Variants in EPM2A observed in about 807,000 individuals in gnomAD.
The protein encoded by EPM2A is laforin.
A neutral mutation model predicts 26.5 loss-of-function variants in EPM2A; 21 were observed. The ratio of observed to expected loss-of-function variants is 0.79; its 90% CI spans 0.56 to 1.14. The LOEUF is 1.14. EPM2A is among the 50% of genes most tolerant of loss of function. The pLI, the probability that EPM2A is intolerant of heterozygous loss-of-function variation, is 0.00. For synonymous variants in EPM2A, 217 were observed against 177.6 expected (o/e 1.22, Z -1.76); for missense variants, 458 against 440.8 (o/e 1.04, Z -0.35).
chr6:145,430,621 A>G (rs1356632107), intron 4 of EPM2A, among the ~76,000 whole-genome samples: 2 of 151,772 alleles, frequency 1.3e-5, no homozygotes, highest in African/African-American at 4.8e-5. Flanking sequence ...AAAAAGAACC[A>G]TTAATAGCAT....
At chr6:145,541,524 T>C (rs1780511080) in intron 2 of EPM2A, among the ~76,000 whole-genome samples, 1 of 152,160 alleles carries the variant, frequency 6.6e-6, no homozygotes, top group African/African-American at 2.4e-5. Context: ...ATTTTGTAAG[T>C]ACATTACCTC....
chr6:145,656,153 C>CT (rs1447916591), intron 2 of EPM2A, among the ~76,000 whole-genome samples: 1 of 152,204 alleles, frequency 6.6e-6, no homozygotes, highest in Non-Finnish European at 1.5e-5. Context: ...AGGGGGCTGA[C>CT]TAGAGACATA....
intron 1 of EPM2A, among the ~76,000 whole-genome samples, chr6:145,690,522 A>G (rs1255323842): frequency 4.5e-5 from 1 of 22,250 alleles, no homozygotes; most frequent in Non-Finnish European, 8.8e-5. Flanking sequence ...GTCTCAAAAG[A>G]AAAAAAAAAA....
intron 1 of EPM2A, among the ~76,000 whole-genome samples, chr6:145,689,097 G>T (rs546850470): frequency 1.2e-4 from 19 of 152,232 alleles, no homozygotes; most frequent in African/African-American, 4.6e-4. Flanking sequence ...TTATTTATGT[G>T]TCATCATCTT....
intron 2 of EPM2A, among the ~76,000 whole-genome samples, chr6:145,649,085 C>T (rs923458648): frequency 2.0e-5 from 3 of 152,150 alleles, no homozygotes; most frequent in Admixed American, 6.5e-5. Context: ...CTGAACCTCT[C>T]GTGGCCTCTC....
At chr6:145,600,800 C>A (rs182462281) in intron 2 of EPM2A, among the ~76,000 whole-genome samples, 1 of 152,312 alleles carries the variant, frequency 6.6e-6, no homozygotes, top group East Asian at 1.9e-4. Flanking sequence ...ACCTAGAGGG[C>A]CATTACCCAG....
intron 2 of EPM2A, among the ~76,000 whole-genome samples, chr6:145,516,336 C>T (rs1780126756): frequency 6.6e-6 from 1 of 152,104 alleles, no homozygotes; most frequent in African/African-American, 2.4e-5. Context: ...GAATTTGTAA[C>T]CAAGTGGAAC....
intron 1 of EPM2A, among the ~76,000 whole-genome samples, chr6:145,723,063 ATGTTGATT>A (rs1159040800): frequency 6.6e-6 from 1 of 152,224 alleles, no homozygotes; most frequent in Non-Finnish European, 1.5e-5. Context: ...ATAAAATTTC[ATGTTGATT>A]TGTTTAATCT....
chr6:145,479,365 G>A lies in EPM2A; in HGVS notation c.555+23157C>T, dbSNP rs77081603. Among the ~76,000 whole-genome samples, 579 of 149,326 alleles carry A rather than the reference G, an allele frequency of 3.9e-3. 9 individuals carry two copies. The East Asian group carries it at 0.054, about 14-fold the overall frequency. The stretch of plus-strand genomic sequence containing the variant: ...GGGTATTAATTGCATTCACAATGTT[G>A]TGCAACTATCACCACTATCTTTTTA... On this transcript the variant is annotated intron_variant, in intron 4 of 4. Transcript: ENST00000638717.
intron 2 of EPM2A, among the ~76,000 whole-genome samples, chr6:145,529,501 T>TA (rs1780324379): frequency 6.6e-6 from 1 of 152,226 alleles, no homozygotes; most frequent in Non-Finnish European, 1.5e-5. Flanking sequence ...GTTCAGGTGA[T>TA]AATTTATATT....
At chr6:145,644,729 C>T (rs1384500261) in intron 2 of EPM2A, among the ~76,000 whole-genome samples, 1 of 151,980 alleles carries the variant, frequency 6.6e-6, no homozygotes, top group Admixed American at 6.6e-5. Context: ...GGAAGTTTTG[C>T]TTCTTTCATT....
chr6:145,517,111 C>G (rs893190840), intron 2 of EPM2A, among the ~76,000 whole-genome samples: 6 of 152,106 alleles, frequency 3.9e-5, no homozygotes, highest in African/African-American at 1.4e-4. Flanking sequence ...AGTACAACTA[C>G]TATACAATAC....
intron 4 of EPM2A, among the ~76,000 whole-genome samples, chr6:145,495,377 G>A (rs1296179167): frequency 2.0e-5 from 3 of 151,102 alleles, no homozygotes; most frequent in East Asian, 1.9e-4. Flanking sequence ...TAAGCCTGTG[G>A]ATGTTATTGC....
intron 1 of EPM2A, among the ~76,000 whole-genome samples, chr6:145,696,618 A>G (rs1781584379): frequency 6.6e-6 from 1 of 152,210 alleles, no homozygotes. Context: ...TACAGCAATG[A>G]TTAAAACAGG....
At chr6:145,418,465 C>G (rs1778737824) in intron 4 of EPM2A, among the ~76,000 whole-genome samples, 1 of 152,202 alleles carries the variant, frequency 6.6e-6, no homozygotes, top group South Asian at 2.1e-4. Context: ...GCTGTGACCA[C>G]TGCCCAGCCA....
At chr6:145,518,024 C>G (rs556028618) in intron 2 of EPM2A, among the ~76,000 whole-genome samples, 1 of 152,286 alleles carries the variant, frequency 6.6e-6, no homozygotes, top group Admixed American at 6.5e-5. Flanking sequence ...CTCCTGTTAT[C>G]ACCATGTAGC....
At chr6:145,525,073 G>A (rs1445442267) in intron 2 of EPM2A, among the ~76,000 whole-genome samples, 2 of 151,926 alleles carry the variant, frequency 1.3e-5, no homozygotes, top group African/African-American at 4.8e-5. Flanking sequence ...AAGATCAGAT[G>A]ACTGTACGTA....
At chr6:145,592,261 T>A (rs1781284248) in intron 2 of EPM2A, among the ~76,000 whole-genome samples, 1 of 149,238 alleles carries the variant, frequency 6.7e-6, no homozygotes, top group Admixed American at 6.7e-5. Context: ...ACATGCGGTG[T>A]TTGGTTTTCT....
chr6:145,639,070 TA>T (rs1212392441), intron 2 of EPM2A: 5 of 152,198 alleles, frequency 3.3e-5, no homozygotes, highest in Non-Finnish European at 5.9e-5. Context: ...CCTGTTGACA[TA>T]TGAGATTAGA....
Sources: allele counts gnomAD v4.1 joint callset (sites outside exome capture counted in the v4.1 genomes callset), GRCh38; gene constraint gnomAD v4.1.1; transcripts MANE v1.5; gene names NCBI Gene and HGNC (gene_info 2026-07-23, HGNC 2026-07-21).